The following ZNF679 variants were observed in gnomAD, a reference collection of about 807,000 sequenced individuals.
ZNF679 encodes the protein zinc finger protein 679.
A neutral mutation model predicts 13.4 loss-of-function variants in ZNF679; 10 were observed. The observed-to-expected ratio is 0.75, with a 90% confidence interval of 0.46 to 1.27. The LOEUF is 1.27. ZNF679 is among the 50% of genes most tolerant of loss of function. The probability of loss-of-function intolerance (pLI) is 0.00; values close to 1 mark genes in which losing one functional copy is unlikely to be tolerated. For synonymous variants in ZNF679, 179 were observed against 162.5 expected (o/e 1.10, Z -0.77); for missense variants, 525 against 477.8 (o/e 1.10, Z -0.92).
intron 1 of ZNF679, among the ~76,000 whole-genome samples, chr7:64,245,651 T>C (rs1005215025): frequency 1.2e-4 from 19 of 152,160 alleles, no homozygotes; most frequent in African/African-American, 4.6e-4. Context: ...CCTTGTTCCA[T>C]GATCCTGTAC....
chr7:64,232,992 G>C (rs1019861719), intron 1 of ZNF679, among the ~76,000 whole-genome samples: 1 of 152,224 alleles, frequency 6.6e-6, no homozygotes, highest in Non-Finnish European at 1.5e-5. Flanking sequence ...TGTAATCCTG[G>C]CACTTTGGGA....
intron 1 of ZNF679, among the ~76,000 whole-genome samples, chr7:64,241,470 C>T (rs941884876): frequency 3.9e-5 from 6 of 152,272 alleles, no homozygotes; most frequent in South Asian, 2.1e-4. Flanking sequence ...GTGGGCCCAG[C>T]GATATGTCAC....
At chr7:64,245,255 C>A (rs967792998) in intron 1 of ZNF679, among the ~76,000 whole-genome samples, 3 of 152,240 alleles carry the variant, frequency 2.0e-5, no homozygotes, top group African/African-American at 2.4e-5. Context: ...TGAACCCCCC[C>A]ACTCAGGTGA....
chr7:64,249,007 T>A, intron 1 of ZNF679, 21 bp from the exon 2 acceptor site: 1 of 1,521,534 alleles, frequency 6.6e-7, no homozygotes, highest in South Asian at 1.2e-5. Flanking sequence ...TTCCGGGTCC[T>A]TTGTGTTTCT....
chr7:64,239,878 C>T (rs190605342), intron 1 of ZNF679, among the ~76,000 whole-genome samples: 2 of 152,300 alleles, frequency 1.3e-5, no homozygotes, highest in Admixed American at 6.5e-5. Context: ...AACTGTTTTA[C>T]AGTTCTCATC....
Position 64,266,052 on chromosome 7 carries a change from G to GT in ZNF679, c.421dup (p.Cys141LeufsTer2), listed in dbSNP as rs775150269. 1.2e-6 allele frequency: 2 copies of GT among 1,613,366 alleles called. No individual in the cohort carries two copies. Among genetic ancestry groups the GT allele is most frequent in the Non-Finnish European group, 1.7e-6 (2 of 1,179,674 alleles). ...GGTGAGTGTGAGGTGCAAAAAGGAG[G>GT]TTGTAATGAAGTTAACCAATGTTTG... On this transcript the variant is annotated frameshift_variant, in exon 5 of 5. Coordinates refer to ENST00000421025, the MANE Select transcript of ZNF679 (RefSeq NM_153363.3). LOFTEE classifies it low-confidence loss of function (END_TRUNC).
intron 1 of ZNF679, among the ~76,000 whole-genome samples, chr7:64,230,416 C>G (rs979082859): frequency 2.0e-5 from 3 of 151,860 alleles, no homozygotes; most frequent in African/African-American, 7.2e-5. Context: ...GCCTGTAGTC[C>G]CAGCTACTGG....
intron 1 of ZNF679, among the ~76,000 whole-genome samples, chr7:64,231,088 A>G (rs1386071204): frequency 6.6e-6 from 1 of 151,986 alleles, no homozygotes; most frequent in East Asian, 1.9e-4. Flanking sequence ...CTGTTATGAC[A>G]CTCTCTGTGC....
intron 1 of ZNF679, among the ~76,000 whole-genome samples, chr7:64,248,306 C>A (rs994518613): frequency 6.6e-6 from 1 of 151,232 alleles, no homozygotes; most frequent in South Asian, 2.1e-4. Flanking sequence ...TTTTTGAGAC[C>A]GAGTCTGGCT....
rs1389959554 is a variant in ZNF679 at position 64,266,373 on chromosome 7, A to G, written c.740A>G (p.Lys247Arg). 1.2e-6 allele frequency: 2 copies of G among 1,613,664 alleles called. No homozygotes were observed. The highest frequency in any genetic ancestry group is 2.2e-5 in the South Asian group (2 of 91,068). Residue 247 changes from lysine (K) to arginine (R), a missense_variant, in exon 5 of 5, where the codon AAA (lysine) becomes AGA (arginine). Transcript: ENST00000421025. ...CCCTACAGATGTGAGGAATGTGGCA[A>G]AGCTTTTACCTGGTCCTCAACCCTT... is the stretch of plus-strand genomic sequence containing the variant. ...EKPYRCEECG[K>R]AFTWSSTLTK... is the part of the protein sequence containing the mutation.
rs150208297 is a variant in ZNF679 at position 64,265,788 on chromosome 7, A to G, written c.263-108A>G. The stretch of plus-strand genomic sequence containing the variant: ...AGGAATTATGGCCTGTGGTAATTTG[A>G]TATGCCATTTTGCTAAAGTACCTTG... On this transcript the variant is annotated intron_variant, in intron 4 of 4. Coordinates refer to ENST00000421025, the MANE Select transcript of ZNF679 (RefSeq NM_153363.3). The G allele has an allele frequency of 4.0e-4, 504 of 1,256,674 alleles. 2 individuals are homozygous for G. In the African/African-American group the frequency reaches 6.6e-3, roughly 16 times the overall value. The allele number at this position is 1,256,674 out of a possible 1,614,324, so 77.8% of individuals were successfully genotyped here.
chr7:64,256,016 C>T (rs182950067), intron 2 of ZNF679, among the ~76,000 whole-genome samples: 3 of 152,236 alleles, frequency 2.0e-5, no homozygotes, highest in Non-Finnish European at 4.4e-5. Flanking sequence ...TATTTTATCA[C>T]TCAGGTACTA....
At chr7:64,256,355 G>A (rs547412748) in intron 2 of ZNF679, among the ~76,000 whole-genome samples, 7 of 152,060 alleles carry the variant, frequency 4.6e-5, no homozygotes, top group East Asian at 1.9e-4. Context: ...TTTTCATATC[G>A]TAAATAGTGC....
chr7:64,259,260 A>G (rs1299346744), intron 2 of ZNF679, among the ~76,000 whole-genome samples: 1 of 152,174 alleles, frequency 6.6e-6, no homozygotes, highest in African/African-American at 2.4e-5. Context: ...TTTGTATGCC[A>G]TGCAGAATTC....
chr7:64,237,309 A>G (rs1787740294), intron 1 of ZNF679, among the ~76,000 whole-genome samples: 1 of 152,210 alleles, frequency 6.6e-6, no homozygotes, highest in Non-Finnish European at 1.5e-5. Flanking sequence ...AAGCCTTGTC[A>G]TGGGAGGACT....
At chr7:64,249,728 T>C (rs1326025283) in intron 2 of ZNF679, among the ~76,000 whole-genome samples, 2 of 152,222 alleles carry the variant, frequency 1.3e-5, no homozygotes, top group Non-Finnish European at 2.9e-5. Flanking sequence ...AGTTATGTCG[T>C]TTCCTTATTT....
At position 64,230,259 on chromosome 7, in the gene ZNF679, C is replaced by T. The variant is rs143579027; in HGVS notation, c.-91+1607C>T. ...CTAAGAAAAGGGCCAAGAGGCCGGG[C>T]GCGGTGGCTCACGCCTGTAATCCCA... On this transcript the variant is annotated intron_variant, in intron 1 of 4. Transcript: ENST00000421025. 3.4e-3 allele frequency among the ~76,000 whole-genome samples: 516 copies of T among 152,176 alleles called. 4 individuals are homozygous for T. The highest frequency in any genetic ancestry group is 0.011 in the African/African-American group (450 of 41,526).
intron 2 of ZNF679, among the ~76,000 whole-genome samples, chr7:64,254,201 T>C (rs971627129): frequency 6.6e-6 from 1 of 151,996 alleles, no homozygotes; most frequent in Non-Finnish European, 1.5e-5. Context: ...CTCAGCTCAC[T>C]GCAACCTCCA....
chr7:64,243,870 G>T (rs1787832756), intron 1 of ZNF679, among the ~76,000 whole-genome samples: 1 of 152,154 alleles, frequency 6.6e-6, no homozygotes, highest in African/African-American at 2.4e-5. Flanking sequence ...TCTCCTGTGA[G>T]TTGCACCCAA....
Sources: allele counts gnomAD v4.1 joint callset (sites outside exome capture counted in the v4.1 genomes callset), GRCh38; gene constraint gnomAD v4.1.1; transcripts MANE v1.5; gene names NCBI Gene and HGNC (gene_info 2026-07-23, HGNC 2026-07-21).